Variants in RGL1 observed in about 807,000 individuals in gnomAD.
The protein encoded by RGL1 is ral guanine nucleotide dissociation stimulator like 1, also known as ral guanine nucleotide dissociation stimulator-like 1.
In RGL1, 24 loss-of-function variants were observed where a neutral mutation model predicts 95.2. That is an observed-to-expected ratio of 0.25 (90% CI 0.18 to 0.35). RGL1 has a LOEUF of 0.35. Among genes scored for constraint, RGL1 ranks in the 10% least tolerant of loss-of-function variants. The pLI is 1.00. For missense variants in RGL1, 715 were observed against 936.3 expected, an observed-to-expected ratio of 0.76 and a Z score of 3.08; for synonymous variants, 329 against 344.9, an observed-to-expected ratio of 0.95 and a Z score of 0.51.
chr1:183,760,602 G>T (rs1007900235), intron 2 of RGL1, among the ~76,000 whole-genome samples: 2 of 150,292 alleles, frequency 1.3e-5, no homozygotes, highest in Non-Finnish European at 3.0e-5. Context: ...AACAAACCTG[G>T]GTGTGGTGGT....
chr1:183,819,897 G>C (rs1254896338), intron 2 of RGL1, among the ~76,000 whole-genome samples: 1 of 151,374 alleles, frequency 6.6e-6, no homozygotes, highest in Non-Finnish European at 1.5e-5. Flanking sequence ...GGGTTCTCCT[G>C]CCTCAGCCTC....
chr1:183,897,256 G>A lies in RGL1; in HGVS notation c.1141-552G>A, dbSNP rs1445099573. Among the ~76,000 whole-genome samples the A allele has an allele frequency of 4.6e-5, 7 of 152,330 alleles. No homozygotes were observed. The East Asian group carries it at 7.7e-4, about 17-fold the overall frequency. The stretch of plus-strand genomic sequence containing the variant: ...TTACAAAGTAAGGGGAAGGCCAGGT[G>A]TGGTGGCTGGCTCATGCCTGTAATC... On this transcript the variant is annotated intron_variant, in intron 9 of 17. Coordinates refer to ENST00000360851, the MANE Select transcript of RGL1 (RefSeq NM_001297671.3).
At chr1:183,925,220 G>A (rs541424616) in intron 17 of RGL1, among the ~76,000 whole-genome samples, 1 of 152,274 alleles carries the variant, frequency 6.6e-6, no homozygotes, top group African/African-American at 2.4e-5. Context: ...GAAGTGACAA[G>A]GTACAGAGGA....
chr1:183,825,168 T>G (rs760161203), intron 2 of RGL1, among the ~76,000 whole-genome samples: 5 of 152,198 alleles, frequency 3.3e-5, no homozygotes, highest in Non-Finnish European at 7.3e-5. Context: ...TTTGTGGTGC[T>G]GGTGGGAGGG....
chr1:183,779,225 T>TTCCC (rs1466327643), intron 2 of RGL1, among the ~76,000 whole-genome samples: 29 of 123,806 alleles, frequency 2.3e-4, no homozygotes, highest in East Asian at 9.3e-4. Context: ...CCTTCCTTCC[T>TTCCC]TCCCTCCCTC....
chr1:183,760,588 AAAAAAC>A (rs1658608031), intron 2 of RGL1, among the ~76,000 whole-genome samples: 1 of 149,846 alleles, frequency 6.7e-6, no homozygotes, highest in East Asian at 2.0e-4. Flanking sequence ...AAAAAAAAAA[AAAAAAC>A]AAACCTGGGT....
At chr1:183,666,664 A>G (rs1230460968) in intron 1 of RGL1, among the ~76,000 whole-genome samples, 1 of 152,134 alleles carries the variant, frequency 6.6e-6, no homozygotes, top group African/African-American at 2.4e-5. Flanking sequence ...GGAATTTTCC[A>G]GCTATCTTTC....
rs553385583 is a variant in RGL1 at position 183,926,003 on chromosome 1, C to G, written c.2120-102C>G. 109 of 962,610 alleles carry G rather than the reference C, an allele frequency of 1.1e-4. 1 individual carries two copies. The Admixed American group carries it at 2.5e-3, about 22-fold the overall frequency. The allele number at this position is 962,610 out of a possible 1,614,324, so 59.6% of individuals were successfully genotyped here. A position where few individuals can be genotyped will look rare whatever the true frequency, so the allele number is the denominator to read the frequency against. On this transcript the variant is annotated intron_variant, in intron 17 of 17. Coordinates refer to ENST00000360851, the MANE Select transcript of RGL1 (RefSeq NM_001297671.3). ...AGGTCACATTCCAGAGATGAAGGGC[C>G]GTAGTCCCGTTCTTGTGTCTGGGCA...
chr1:183,663,774 T>TGCA (rs1651827978), intron 1 of RGL1, among the ~76,000 whole-genome samples: 1 of 151,268 alleles, frequency 6.6e-6, no homozygotes, highest in Non-Finnish European at 1.5e-5. Flanking sequence ...GTATGTTTAT[T>TGCA]GCAGCACTAT....
At position 183,916,600 on chromosome 1, in the gene RGL1, T is replaced by TCGA. The variant is rs1668992807; in HGVS notation, c.1905_1907dup (p.Thr636dup). On this transcript the variant is annotated inframe_insertion, in exon 16 of 18. Coordinates refer to ENST00000360851, the MANE Select transcript of RGL1 (RefSeq NM_001297671.3). The stretch of plus-strand genomic sequence containing the variant: ...CTCTGTCTCGGTGACGTCCATTACC[T>TCGA]CGACTGTGCTGCCTCCTGTTTACAA... The TCGA allele has an allele frequency of 6.2e-7, 1 of 1,613,790 alleles. No homozygotes were observed. Among genetic ancestry groups the TCGA allele is most frequent in the Non-Finnish European group, 8.5e-7 (1 of 1,179,970 alleles).
intron 1 of RGL1, among the ~76,000 whole-genome samples, chr1:183,708,846 G>C (rs529387626): frequency 6.6e-6 from 1 of 152,230 alleles, no homozygotes; most frequent in Non-Finnish European, 1.5e-5. Context: ...GTGGACTACC[G>C]TCCAGGGTGG....
At chr1:183,662,273 C>T (rs1454161010) in intron 1 of RGL1, among the ~76,000 whole-genome samples, 5,411 of 143,914 alleles carry the variant, frequency 0.038, 156 homozygotes, top group African/African-American at 0.095. Context: ...GTCAAATTGT[C>T]CCTGTTTGCA....
chr1:183,875,772 G>A (rs900050370), intron 4 of RGL1, among the ~76,000 whole-genome samples: 11 of 151,432 alleles, frequency 7.3e-5, no homozygotes, highest in Admixed American at 6.6e-4. Context: ...CCAGCTACTC[G>A]GGAGGCTGAG....
At chr1:183,657,481 C>T (rs1269511905) in intron 1 of RGL1, among the ~76,000 whole-genome samples, 5 of 152,212 alleles carry the variant, frequency 3.3e-5, no homozygotes, top group African/African-American at 1.2e-4. Flanking sequence ...TGATGTTCCC[C>T]TTCCTGTGTC....
intron 2 of RGL1, among the ~76,000 whole-genome samples, chr1:183,745,369 G>T (rs1572359400): frequency 8.6e-6 from 1 of 116,940 alleles, no homozygotes; most frequent in Admixed American, 8.8e-5. Flanking sequence ...TTCTCCTTAT[G>T]GTTTGTGTTT....
rs191193501 is a variant in RGL1, at chr1:183,650,459, C to T, written c.-33+13958C>T. Among the ~76,000 whole-genome samples the T allele has an allele frequency of 3.3e-3, 503 of 152,202 alleles. 3 individuals carry two copies. The highest frequency in any genetic ancestry group is 0.012 in the African/African-American group (488 of 41,544). ...TCGGGAGGCTGAGGCAGGAGAATAG[C>T]GTGAACCCAGGAGGCAGAGCTTGCA... On this transcript the variant is annotated intron_variant, in intron 1 of 18. Coordinates refer to the RGL1 transcript ENST00000304685.
At chr1:183,660,723 A>G (rs1050907316) in intron 1 of RGL1, among the ~76,000 whole-genome samples, 9 of 152,018 alleles carry the variant, frequency 5.9e-5, no homozygotes, top group African/African-American at 1.9e-4. Flanking sequence ...AGACATCTAC[A>G]GAACTCTCCA....
chr1:183,711,023 G>C (rs935475859), intron 1 of RGL1, among the ~76,000 whole-genome samples: 3 of 152,260 alleles, frequency 2.0e-5, no homozygotes, highest in East Asian at 1.9e-4. Flanking sequence ...TCTCACTTGG[G>C]ATGTCTCTGC....
intron 2 of RGL1, among the ~76,000 whole-genome samples, chr1:183,807,360 C>T (rs1228767924): frequency 6.6e-6 from 1 of 152,160 alleles, no homozygotes. Flanking sequence ...TGTGATTTCA[C>T]CTGGCTGGCC....
Sources: gnomAD v4.1 joint callset for allele counts (sites outside exome capture counted in the v4.1 genomes callset) on GRCh38, gnomAD v4.1.1 for gene constraint, MANE v1.5 for transcripts, NCBI Gene and HGNC (gene_info 2026-07-23, HGNC 2026-07-21) for gene names.